Variants in AGO1 observed in about 807,000 individuals in gnomAD.
The protein encoded by AGO1 is argonaute RISC component 1, also known as protein argonaute-1.
In AGO1, 11 loss-of-function variants were observed where a neutral mutation model predicts 109.2. The observed-to-expected ratio is 0.10, with a 90% CI of 0.06 to 0.17. The LOEUF (loss-of-function observed/expected upper bound fraction) is 0.17, where lower values mean the gene tolerates loss of function less well. AGO1 is among the 10% of genes least tolerant of loss of function. The probability of loss-of-function intolerance (pLI) is 1.00; values close to 1 mark genes in which losing one functional copy is unlikely to be tolerated. For missense variants in AGO1, 574 were observed against 1,140.3 expected, an observed-to-expected ratio of 0.50 and a Z score of 7.15; for synonymous variants, 422 against 418.6, an observed-to-expected ratio of 1.01 and a Z score of -0.10.
At chr1:35,916,077 T>C (rs571476586) in intron 15 of AGO1, among the ~76,000 whole-genome samples, 1 of 152,330 alleles carries the variant, frequency 6.6e-6, no homozygotes, top group Non-Finnish European at 1.5e-5. Context: ...TGACTACCAT[T>C]TAATAGTATT....
At chr1:35,905,545 G>C (rs1174642962) in intron 11 of AGO1, among the ~76,000 whole-genome samples, 1 of 152,066 alleles carries the variant, frequency 6.6e-6, no homozygotes, top group Non-Finnish European at 1.5e-5. Context: ...TCGGCTCACT[G>C]CAGCCTCTGC....
Position 35,883,567 on chromosome 1 carries a change from G to C in AGO1, c.25+121G>C. 1.9e-5 allele frequency: 26 copies of C among 1,373,944 alleles called. No individual in the cohort carries two copies. Among genetic ancestry groups the C allele is most frequent in the Non-Finnish European group, 2.4e-5 (25 of 1,053,914 alleles). 85.1% of individuals were successfully genotyped at this position (1,373,944 alleles called of 1,614,324 possible). On this transcript the variant is annotated intron_variant, in intron 1 of 18. Coordinates refer to ENST00000373204, the MANE Select transcript of AGO1 (RefSeq NM_012199.5). The surrounding 1 kb of genome is among the most constrained non-coding windows in gnomAD (Gnocchi z 5.4). ...TGAGGAGAAGGGCTCTCCCACGATG[G>C]GGGCCCAGTTTGAAGGAGGCTGTGT...
Position 35,893,003 on chromosome 1 carries a change from C to T in AGO1, c.331-94C>T. On this transcript the variant is annotated intron_variant, in intron 3 of 18. Coordinates refer to ENST00000373204, the MANE Select transcript of AGO1 (RefSeq NM_012199.5). The surrounding 1 kb of genome is among the most constrained non-coding windows in gnomAD (Gnocchi z 5.6). ...GATTTTCATTATGAGCCCCTATCAA[C>T]TTGAAAAACATGTTCTCAGCAAATC... The T allele has an allele frequency of 1.6e-6, 2 of 1,287,422 alleles. No individual in the cohort carries two copies. Among genetic ancestry groups the T allele is most frequent in the Non-Finnish European group, 2.1e-6 (2 of 934,244 alleles). 79.7% of individuals were successfully genotyped at this position (1,287,422 alleles called of 1,614,324 possible).
At chr1:35,884,304 A>G (rs958817755) in intron 1 of AGO1, among the ~76,000 whole-genome samples, 3 of 152,034 alleles carry the variant, frequency 2.0e-5, no homozygotes, top group African/African-American at 7.2e-5. Flanking sequence ...GACCGAAGCG[A>G]TGGGTTCTGG....
In AGO1 at chr1:35,924,731, T is replaced by C. The variant is rs906099748; in HGVS notation, c.*5124T>C. 1 of 152,058 alleles carries C rather than the reference T, an allele frequency of 6.6e-6. No homozygotes were observed. The highest frequency in any genetic ancestry group is 1.5e-5 in the Non-Finnish European group (1 of 68,042). The allele number at this position is 152,058 out of a possible 1,614,324, so 9.4% of individuals were successfully genotyped here. Reference sequence around the variant, plus strand: ...TAGCTCCCAGGTTTCTCCTTGACCATAGGAGTGTGTTGGGACATTCTGCCA... The same window carrying C: ...TAGCTCCCAGGTTTCTCCTTGACCACAGGAGTGTGTTGGGACATTCTGCCA... On this transcript the variant is annotated 3_prime_UTR_variant, in exon 19 of 19. Coordinates refer to ENST00000373204, the MANE Select transcript of AGO1 (RefSeq NM_012199.5).
At position 35,924,551 on chromosome 1, in the gene AGO1, G is replaced by A. The variant is rs1645891932; in HGVS notation, c.*4944G>A. 1 of 152,206 alleles carries A rather than the reference G, an allele frequency of 6.6e-6. No individual in the cohort carries two copies. The highest frequency in any genetic ancestry group is 6.5e-5 in the Admixed American group (1 of 15,282). 9.4% of individuals were successfully genotyped at this position (152,206 alleles called of 1,614,324 possible). A position where few individuals can be genotyped will look rare whatever the true frequency, so the allele number is the denominator to read the frequency against. ...GGGAATTAAGTTTGGTGGGGGATAT[G>A]ATTAGCCAAATAGTCCCCTGGCATA... On this transcript the variant is annotated 3_prime_UTR_variant, in exon 19 of 19. Transcript: ENST00000373204.
At chr1:35,892,703 T>A (rs767751675) in intron 3 of AGO1, 26 bp downstream of exon 3, 2 of 1,614,024 alleles carry the variant, frequency 1.2e-6, no homozygotes, top group South Asian at 1.1e-5. Flanking sequence ...AGGCTAGGCC[T>A]GTGTCAGGGG....
At chr1:35,905,324 T>A (rs917081612) in intron 11 of AGO1, among the ~76,000 whole-genome samples, 3 of 152,378 alleles carry the variant, frequency 2.0e-5, no homozygotes, top group East Asian at 1.9e-4. Context: ...CGTGTTTTTT[T>A]ATTCTAACAT....
intron 7 of AGO1, among the ~76,000 whole-genome samples, chr1:35,894,734 T>C (rs1219842383): frequency 6.6e-6 from 1 of 152,230 alleles, no homozygotes; most frequent in East Asian, 1.9e-4. Context: ...GCGAGGCTCC[T>C]GGGCTCCTTG....
intron 1 of AGO1, among the ~76,000 whole-genome samples, chr1:35,872,896 T>C (rs1053122144): frequency 6.6e-6 from 1 of 151,954 alleles, no homozygotes; most frequent in South Asian, 2.1e-4. Flanking sequence ...TCTGTTCTTT[T>C]CAGTTTTTTT....
rs1645959918 is a variant in AGO1 at position 35,927,878 on chromosome 1, C to A, written c.*8271C>A. 1 of 152,148 alleles carries A rather than the reference C, an allele frequency of 6.6e-6. No individual in the cohort carries two copies. Among genetic ancestry groups the A allele is most frequent in the African/African-American group, 2.4e-5 (1 of 41,428 alleles). 9.4% of individuals were successfully genotyped at this position (152,148 alleles called of 1,614,324 possible). ...AGCCCATGTTTTATATTGTATCTTG[C>A]TAGAGTATAAAGTAACTTACTTTCT... On this transcript the variant is annotated 3_prime_UTR_variant, in exon 19 of 19. Coordinates refer to ENST00000373204, the MANE Select transcript of AGO1 (RefSeq NM_012199.5).
At chr1:35,889,381 T>C (rs1438730841) in intron 2 of AGO1, among the ~76,000 whole-genome samples, 1 of 151,844 alleles carries the variant, frequency 6.6e-6, no homozygotes, top group African/African-American at 2.4e-5. Context: ...GGCTAATTTT[T>C]TTGTATTTTT....
intron 11 of AGO1, 125 bp from the exon 12 acceptor site, chr1:35,906,810 A>G: frequency 1.9e-6 from 1 of 532,772 alleles, no homozygotes; most frequent in Non-Finnish European, 2.8e-6. Flanking sequence ...GTCTCAAGGA[A>G]AAAAAAAAAA....
intron 11 of AGO1, among the ~76,000 whole-genome samples, chr1:35,902,999 CTTTTTTTTTTTTT>C (rs899277604): frequency 2.8e-5 from 3 of 108,800 alleles, no homozygotes; most frequent in Non-Finnish European, 5.8e-5. Context: ...CACCTGGAGT[CTTTTTTTTTTTTT>C]TTTTTTTTTT....
rs192633817 is a variant in AGO1, at chr1:35,903,164, G to C, written c.1397+827G>C. Among the ~76,000 whole-genome samples, 590 of 151,832 alleles carry C rather than the reference G, an allele frequency of 3.9e-3. 4 individuals carry two copies. Among genetic ancestry groups the C allele is most frequent in the African/African-American group, 0.013 (518 of 41,400 alleles). On this transcript the variant is annotated intron_variant, in intron 11 of 18. Transcript: ENST00000373204. ...TGGGACCACAGGCGCCCGCCACCAC[G>C]CCCAGCTAATTTTTTGTATTTTTAG... is the stretch of plus-strand genomic sequence containing the variant.
At chr1:35,906,824 AAC>A in intron 11 of AGO1, 109 bp from the exon 12 acceptor site, 7 of 948,738 alleles carry the variant, frequency 7.4e-6, no homozygotes, top group South Asian at 5.6e-5. Flanking sequence ...AAAAAAAAAA[AAC>A]CAATCTCTCA....
rs1210499147 is a variant in AGO1 at position 35,928,938 on chromosome 1, G to A, written c.*9331G>A. 3 of 152,192 alleles carry A rather than the reference G, an allele frequency of 2.0e-5. No individual in the cohort carries two copies. Among genetic ancestry groups the A allele is most frequent in the African/African-American group, 7.2e-5 (3 of 41,442 alleles). The allele number at this position is 152,192 out of a possible 1,614,324, so 9.4% of individuals were successfully genotyped here. A position where few individuals can be genotyped will look rare whatever the true frequency, so the allele number is the denominator to read the frequency against. On this transcript the variant is annotated 3_prime_UTR_variant, in exon 19 of 19. Transcript: ENST00000373204. ...CTTCTCAGAACAACCAGTGTCACCAGGTATGAGGGCAGAGTTTTAGCTTGT... is the reference window on the plus strand; with the variant it reads ...CTTCTCAGAACAACCAGTGTCACCAAGTATGAGGGCAGAGTTTTAGCTTGT...
intron 11 of AGO1, 56 bp from the exon 12 acceptor site, chr1:35,906,879 G>T: frequency 4.9e-6 from 7 of 1,442,470 alleles, no homozygotes; most frequent in Admixed American, 1.9e-5. Flanking sequence ...ATGGATTTTT[G>T]TCAGAAGAAT....
intron 12 of AGO1, among the ~76,000 whole-genome samples, chr1:35,909,065 G>T (rs1645583848): frequency 6.7e-6 from 1 of 149,540 alleles, no homozygotes; most frequent in Non-Finnish European, 1.5e-5. Context: ...TGATCTGCCC[G>T]CCTCGGCCTC....
Sources: gnomAD v4.1 joint callset for allele counts (sites outside exome capture counted in the v4.1 genomes callset) on GRCh38, gnomAD v4.1.1 for gene constraint, Gnocchi (gnomAD v3.1) non-coding constraint, MANE v1.5 for transcripts, NCBI Gene and HGNC (gene_info 2026-07-23, HGNC 2026-07-21) for gene names.